Variants in SCRN1 observed in about 807,000 individuals in gnomAD.
SCRN1 encodes the protein secernin 1, also known as secernin-1.
SCRN1 carries 19 observed loss-of-function variants against 43.3 expected under a neutral mutation model. The ratio of observed to expected loss-of-function variants is 0.44; its 90% CI spans 0.31 to 0.64. The LOEUF is 0.64. SCRN1 is among the 30% of genes least tolerant of loss of function. SCRN1 has a pLI of 0.09. For synonymous variants in SCRN1, 183 were observed against 188.9 expected (o/e 0.97, Z 0.26); for missense variants, 447 against 524.1 (o/e 0.85, Z 1.44).
Position 29,947,319 on chromosome 7 carries a change from T to A in SCRN1, c.342-3140A>T, listed in dbSNP as rs1217106582. On this transcript the variant is annotated intron_variant, in intron 3 of 7. Coordinates refer to ENST00000242059, the MANE Select transcript of SCRN1 (RefSeq NM_014766.5). ...TGCCCGTTCCTGAAAAGTTAACACATCTCACTGAGAAAGATGGGTCACACC... is the reference window on the plus strand; with the variant it reads ...TGCCCGTTCCTGAAAAGTTAACACAACTCACTGAGAAAGATGGGTCACACC... 6 of 1,550,584 alleles carry A rather than the reference T, an allele frequency of 3.9e-6. No homozygotes were observed. In the African/African-American group the frequency reaches 5.5e-5, roughly 14 times the overall value.
chr7:29,940,175 C>CAAAT (rs1263964911), intron 5 of SCRN1, among the ~76,000 whole-genome samples: 3 of 151,766 alleles, frequency 2.0e-5, no homozygotes, highest in African/African-American at 4.8e-5. Flanking sequence ...AACAAACAAA[C>CAAAT]AAACAAATAA....
At chr7:29,938,348 G>A (rs1026276168) in intron 5 of SCRN1, among the ~76,000 whole-genome samples, 1 of 152,206 alleles carries the variant, frequency 6.6e-6, no homozygotes, top group Non-Finnish European at 1.5e-5. Context: ...CATCTTAGTT[G>A]TCAGAGTCAT....
chr7:29,963,567 C>G (rs1788397870), intron 2 of SCRN1, among the ~76,000 whole-genome samples: 1 of 152,146 alleles, frequency 6.6e-6, no homozygotes, highest in Admixed American at 6.5e-5. Context: ...GAAAAGTAAG[C>G]AGGAAATTGT....
Position 29,965,492 on chromosome 7 carries a change from G to T in SCRN1, c.159+3417C>A, listed in dbSNP as rs1186676058. On this transcript the variant is annotated intron_variant, in intron 2 of 7. Transcript: ENST00000242059. The surrounding 1 kb of genome is among the most constrained non-coding windows in gnomAD (Gnocchi z 4.2). Reference sequence around the variant, plus strand: ...CCTGTGCATTGGGGATGGGGGAAGTGAGGGTCGACGTTTCCCGTGGGCTTC... The same window carrying T: ...CCTGTGCATTGGGGATGGGGGAAGTTAGGGTCGACGTTTCCCGTGGGCTTC... Among the ~76,000 whole-genome samples, 1 of 152,204 alleles carries T rather than the reference G, an allele frequency of 6.6e-6. No individual in the cohort carries two copies. Among genetic ancestry groups the T allele is most frequent in the Non-Finnish European group, 1.5e-5 (1 of 68,042 alleles).
chr7:29,920,699 C>T lies in SCRN1; in HGVS notation c.*3258G>A, dbSNP rs1049395. ...TCATGACAGACACACTGGTCCCACC[C>T]GGCTTCCCTGCTGAACCACCCAGTA... On this transcript the variant is annotated 3_prime_UTR_variant, in exon 8 of 8. Transcript: ENST00000242059. The T allele has an allele frequency of 0.35, 52,569 of 152,086 alleles. 9,331 individuals carry two copies. Among genetic ancestry groups the T allele is most frequent in the African/African-American group, 0.41 (16,872 of 41,448 alleles). 9.4% of individuals were successfully genotyped at this position (152,086 alleles called of 1,614,324 possible). A position where few individuals can be genotyped will look rare whatever the true frequency, so the allele number is the denominator to read the frequency against.
intron 2 of SCRN1, among the ~76,000 whole-genome samples, chr7:29,967,629 C>G (rs1178850250): frequency 1.3e-5 from 2 of 152,132 alleles, no homozygotes; most frequent in South Asian, 2.1e-4. Flanking sequence ...GCACTAGAGA[C>G]AGCCCCACTC....
At chr7:29,972,777 A>G (rs554091021) in intron 1 of SCRN1, among the ~76,000 whole-genome samples, 1 of 152,212 alleles carries the variant, frequency 6.6e-6, no homozygotes, top group Non-Finnish European at 1.5e-5. Flanking sequence ...GAAAATTCCA[A>G]AAGAATTTTC....
Position 29,989,643 on chromosome 7 carries a change from T to G in SCRN1, c.-3A>C. On this transcript the variant is annotated splice_region_variant and 5_prime_UTR_variant, in exon 1 of 8. Coordinates refer to ENST00000242059, the MANE Select transcript of SCRN1 (RefSeq NM_014766.5). ...CCTGCGCTCCCAGACGCGGCTCACC[T>G]GGGGCGGCGGGCTCCGGGCTCCGCT... 1 of 985,592 alleles carries G rather than the reference T, an allele frequency of 1.0e-6. No individual in the cohort carries two copies. The highest frequency in any genetic ancestry group is 1.2e-6 in the Non-Finnish European group (1 of 830,134). The allele number at this position is 985,592 out of a possible 1,614,324, so 61.1% of individuals were successfully genotyped here. A position where few individuals can be genotyped will look rare whatever the true frequency, so the allele number is the denominator to read the frequency against.
intron 6 of SCRN1, among the ~76,000 whole-genome samples, chr7:29,930,870 G>A (rs570427425): frequency 1.3e-5 from 2 of 152,226 alleles, no homozygotes; most frequent in South Asian, 2.1e-4. Flanking sequence ...AAAGCTGGCC[G>A]AGCTACTTTA....
intron 5 of SCRN1, among the ~76,000 whole-genome samples, chr7:29,939,053 C>G (rs926252332): frequency 2.6e-5 from 4 of 152,016 alleles, no homozygotes; most frequent in Admixed American, 6.6e-5. Flanking sequence ...ATATCTTTCA[C>G]CAAGCTAGTT....
At position 29,928,983 on chromosome 7, in the gene SCRN1, A is replaced by G. The variant is rs1278602837; in HGVS notation, c.906-2351T>C. ...AGCAGTGGGGAGGAGGAGGGCCAGG[A>G]GAGAGCACGCCTAGCCATCCACAAC... On this transcript the variant is annotated intron_variant, in intron 6 of 7. Coordinates refer to ENST00000242059, the MANE Select transcript of SCRN1 (RefSeq NM_014766.5). 4.6e-5 allele frequency among the ~76,000 whole-genome samples: 7 copies of G among 152,310 alleles called. No homozygotes were observed. The South Asian group carries it at 1.2e-3, about 27-fold the overall frequency.
intron 6 of SCRN1, among the ~76,000 whole-genome samples, chr7:29,935,940 T>C (rs1050039074): frequency 2.0e-5 from 3 of 152,196 alleles, no homozygotes; most frequent in African/African-American, 7.2e-5. Flanking sequence ...AGCTACTATG[T>C]GGCAAAGGTC....
In SCRN1 at chr7:29,968,989, T is replaced by G; in HGVS notation, c.79A>C (p.Asn27His). Residue 27 changes from asparagine (N) to histidine (H), a missense_variant, in exon 2 of 8, where the codon AAT becomes CAT. Coordinates refer to ENST00000242059, the MANE Select transcript of SCRN1 (RefSeq NM_014766.5). ...AKDGLVVFGKNSARPRDEVQE... is the reference protein window; with the variant it reads ...AKDGLVVFGKHSARPRDEVQE... ...ACTTCATCTCTGGGCCGGGCTGAAT[T>G]TTTCCCAAATACCACCAGACCATCC... is the stretch of plus-strand genomic sequence containing the variant. 1 of 1,613,914 alleles carries G rather than the reference T, an allele frequency of 6.2e-7. No homozygotes were observed. The highest frequency in any genetic ancestry group is 8.5e-7 in the Non-Finnish European group (1 of 1,179,946).
At chr7:29,936,918 C>G (rs1447195551) in intron 5 of SCRN1, among the ~76,000 whole-genome samples, 197 bp from the exon 6 acceptor site, 1 of 151,988 alleles carries the variant, frequency 6.6e-6, no homozygotes, top group Non-Finnish European at 1.5e-5. Context: ...TGGTGGCAGG[C>G]GCCTGTAGTC....
At chr7:29,978,694 C>G (rs1217697889) in intron 1 of SCRN1, among the ~76,000 whole-genome samples, 1 of 152,168 alleles carries the variant, frequency 6.6e-6, no homozygotes, top group Non-Finnish European at 1.5e-5. Context: ...GAAAGAGTTG[C>G]ATGAAAGTAA....
At chr7:29,964,283 G>A (rs1788418370) in intron 2 of SCRN1, among the ~76,000 whole-genome samples, 1 of 152,176 alleles carries the variant, frequency 6.6e-6, no homozygotes, top group Admixed American at 6.5e-5. Flanking sequence ...TTCAGTGGGT[G>A]AATGGATAAA....
chr7:29,935,585 C>T (rs886932143), intron 6 of SCRN1, among the ~76,000 whole-genome samples: 55 of 152,180 alleles, frequency 3.6e-4, no homozygotes, highest in African/African-American at 1.2e-3. Flanking sequence ...CCTAGGTCCA[C>T]CTCAAAGATT....
At chr7:29,947,206 T>TA in intron 3 of SCRN1, 1 of 1,550,544 alleles carries the variant, frequency 6.4e-7, no homozygotes, top group Non-Finnish European at 8.7e-7. Flanking sequence ...GCCTGGGAAT[T>TA]AGATGCTCCT....
chr7:29,963,321 T>C (rs1279251709), intron 2 of SCRN1, among the ~76,000 whole-genome samples: 1 of 152,034 alleles, frequency 6.6e-6, no homozygotes, highest in Non-Finnish European at 1.5e-5. Context: ...TTGACATGCA[T>C]AGAGGAGTAT....
Sources: allele counts gnomAD v4.1 joint callset (sites outside exome capture counted in the v4.1 genomes callset), GRCh38; gene constraint gnomAD v4.1.1; non-coding constraint Gnocchi (gnomAD v3.1); transcripts MANE v1.5; gene names NCBI Gene and HGNC (gene_info 2026-07-23, HGNC 2026-07-21).